MAN1C1: variants seen among roughly 807,000 people sequenced by gnomAD.
The protein encoded by MAN1C1 is mannosyl-oligosaccharide 1,2-alpha-mannosidase IC.
A neutral mutation model predicts 71.5 loss-of-function variants in MAN1C1; 49 were observed. That is an observed-to-expected ratio of 0.69 (90% CI 0.54 to 0.87). The LOEUF (loss-of-function observed/expected upper bound fraction) is 0.87, where lower values mean the gene tolerates loss of function less well. MAN1C1 is among the 40% of genes least tolerant of loss of function. MAN1C1 has a pLI of 0.00. For synonymous variants in MAN1C1, 352 were observed against 343.7 expected (o/e 1.02, Z -0.27); for missense variants, 743 against 835.0 (o/e 0.89, Z 1.36).
Position 25,731,336 on chromosome 1 carries a change from GTCATCA to G in MAN1C1, c.638-15301_638-15296del, listed in dbSNP as rs61554526. Among the ~76,000 whole-genome samples the G allele has an allele frequency of 2.0e-3, 294 of 150,642 alleles. 1 individual carries two copies. Among genetic ancestry groups the G allele is most frequent in the African/African-American group, 5.9e-3 (240 of 40,812 alleles). On this transcript the variant is annotated intron_variant, in intron 2 of 11. Transcript: ENST00000374332. ...AAAAATAACAATAATCATCATCATC[GTCATCA>G]TCATCATCATCATCATCATCATCAT...
Position 25,753,463 on chromosome 1 carries a change from C to T in MAN1C1, c.835-21C>T. 6.3e-7 allele frequency: 1 copy of T among 1,599,132 alleles called. No individual in the cohort carries two copies. Among genetic ancestry groups the T allele is most frequent in the Non-Finnish European group, 8.6e-7 (1 of 1,169,300 alleles). ...CTCACCCAGCCTGGAGTCAAAAGCC[C>T]TTTGATCCCCTCCTTTACAGGTGTT... On this transcript the variant is annotated intron_variant, in intron 4 of 11. Coordinates refer to ENST00000374332, the MANE Select transcript of MAN1C1 (RefSeq NM_020379.4). The surrounding 1 kb of genome is among the most constrained non-coding windows in gnomAD (Gnocchi z 4.9).
chr1:25,776,409 G>A lies in MAN1C1; in HGVS notation c.1258-1696G>A, dbSNP rs2124409923. Among the ~76,000 whole-genome samples, 1 of 152,192 alleles carries A rather than the reference G, an allele frequency of 6.6e-6. No individual in the cohort carries two copies. Among genetic ancestry groups the A allele is most frequent in the African/African-American group, 2.4e-5 (1 of 41,522 alleles). On this transcript the variant is annotated intron_variant, in intron 8 of 11. Transcript: ENST00000374332. The surrounding 1 kb of genome is among the most constrained non-coding windows in gnomAD (Gnocchi z 4.3). The stretch of plus-strand genomic sequence containing the variant: ...CTACTAAAAATACAAAAATTAGCCG[G>A]GGGTGGTGGCACACGCCTATAATTA...
At chr1:25,728,316 C>T (rs1456937217) in intron 2 of MAN1C1, among the ~76,000 whole-genome samples, 1 of 152,172 alleles carries the variant, frequency 6.6e-6, no homozygotes, top group African/African-American at 2.4e-5. Context: ...AAGCCAGTAA[C>T]CCCATGACAG....
intron 1 of MAN1C1, among the ~76,000 whole-genome samples, chr1:25,673,915 C>T (rs1253371294): frequency 6.6e-6 from 1 of 152,244 alleles, no homozygotes; most frequent in East Asian, 1.9e-4. Flanking sequence ...GACACTTGCA[C>T]ATGGGCAGGT....
intron 1 of MAN1C1, among the ~76,000 whole-genome samples, chr1:25,655,562 G>C (rs1294081721): frequency 6.6e-6 from 1 of 152,130 alleles, no homozygotes; most frequent in Admixed American, 6.5e-5. Flanking sequence ...TCTTTCCTCT[G>C]GCCCTTGGGG....
intron 1 of MAN1C1, among the ~76,000 whole-genome samples, chr1:25,681,419 AC>A (rs1356836052): frequency 3.3e-5 from 5 of 152,134 alleles, no homozygotes; most frequent in East Asian, 3.9e-4. Context: ...CAAGGTAGGC[AC>A]CCCCTTCCTA....
In MAN1C1 at chr1:25,782,825, T is replaced by G; in HGVS notation, c.1766+125T>G. On this transcript the variant is annotated intron_variant, in intron 11 of 11. Transcript: ENST00000374332. The surrounding 1 kb of genome is among the most constrained non-coding windows in gnomAD (Gnocchi z 4.4). ...CGGGAGCCCAAAAGGGGTGAAGGGC[T>G]TGGGATCCAGAGGGCTGCACCCCAG... The G allele has an allele frequency of 1.4e-6, 1 of 691,794 alleles. No homozygotes were observed. The highest frequency in any genetic ancestry group is 2.5e-6 in the Non-Finnish European group (1 of 401,392). 42.9% of individuals were successfully genotyped at this position (691,794 alleles called of 1,614,324 possible). A position where few individuals can be genotyped will look rare whatever the true frequency, so the allele number is the denominator to read the frequency against.
intron 4 of MAN1C1, among the ~76,000 whole-genome samples, chr1:25,752,484 A>T (rs1359856266): frequency 6.6e-6 from 1 of 152,216 alleles, no homozygotes; most frequent in Non-Finnish European, 1.5e-5. Context: ...TCATTTCAAT[A>T]GCTGCATGGT....
rs2047137828 is a variant in MAN1C1, at chr1:25,746,938, T to C, written c.753+155T>C. On this transcript the variant is annotated intron_variant, in intron 3 of 11. Transcript: ENST00000374332. The surrounding 1 kb of genome is among the most constrained non-coding windows in gnomAD (Gnocchi z 4.0). The stretch of plus-strand genomic sequence containing the variant: ...TCGGAACCGGAGCTGCCGTGCAGTC[T>C]GTGCTGAGTCCCTTCCTTAAGACAG... Among the ~76,000 whole-genome samples, 1 of 152,234 alleles carries C rather than the reference T, an allele frequency of 6.6e-6. No individual in the cohort carries two copies. The highest frequency in any genetic ancestry group is 1.5e-5 in the Non-Finnish European group (1 of 68,046).
At chr1:25,715,825 G>A (rs2046672326) in intron 2 of MAN1C1, among the ~76,000 whole-genome samples, 1 of 152,184 alleles carries the variant, frequency 6.6e-6, no homozygotes, top group South Asian at 2.1e-4. Flanking sequence ...GATTCTGTTG[G>A]AACTCAGGAA....
intron 2 of MAN1C1, among the ~76,000 whole-genome samples, chr1:25,739,447 G>A (rs1470503211): frequency 1.3e-5 from 2 of 152,200 alleles, no homozygotes; most frequent in Non-Finnish European, 2.9e-5. Flanking sequence ...TGGGGATATT[G>A]TGGGAATAGG....
intron 2 of MAN1C1, among the ~76,000 whole-genome samples, chr1:25,716,800 A>G (rs2046687582): frequency 6.6e-6 from 1 of 152,252 alleles, no homozygotes; most frequent in South Asian, 2.1e-4. Context: ...GAACATTTTT[A>G]TATCTAAAAG....
chr1:25,744,195 G>T (rs1450761422), intron 2 of MAN1C1, among the ~76,000 whole-genome samples: 1 of 152,156 alleles, frequency 6.6e-6, no homozygotes, highest in Non-Finnish European at 1.5e-5. Context: ...TGCTGGGCAC[G>T]ATCTGCTTTG....
intron 1 of MAN1C1, among the ~76,000 whole-genome samples, chr1:25,652,750 C>T (rs975385256): frequency 2.6e-5 from 4 of 152,200 alleles, no homozygotes; most frequent in African/African-American, 9.6e-5. Context: ...TGGGATCACC[C>T]TCGGGGTTGC....
intron 1 of MAN1C1, among the ~76,000 whole-genome samples, chr1:25,656,088 T>C (rs1244581980): frequency 7.0e-6 from 1 of 142,210 alleles, no homozygotes; most frequent in Non-Finnish European, 1.5e-5. Flanking sequence ...AGGTTGGGAT[T>C]ATCAGTCTTT....
chr1:25,717,575 CTT>C (rs1023005252), intron 2 of MAN1C1, among the ~76,000 whole-genome samples: 16 of 135,536 alleles, frequency 1.2e-4, no homozygotes, highest in Admixed American at 2.2e-4. Flanking sequence ...TACCATTTTC[CTT>C]TTTTTTTTTT....
intron 1 of MAN1C1, among the ~76,000 whole-genome samples, chr1:25,619,418 G>A (rs930592981): frequency 3.9e-5 from 6 of 152,234 alleles, no homozygotes; most frequent in South Asian, 2.1e-4. Flanking sequence ...AGAGCAGGCA[G>A]CAAGGATCAG....
intron 1 of MAN1C1, among the ~76,000 whole-genome samples, chr1:25,660,551 C>G (rs1246841760): frequency 1.3e-5 from 2 of 151,542 alleles, no homozygotes; most frequent in African/African-American, 4.8e-5. Context: ...TGCCACCATG[C>G]CTGGCTAATT....
chr1:25,741,092 A>G (rs1031473772), intron 2 of MAN1C1, among the ~76,000 whole-genome samples: 2 of 152,024 alleles, frequency 1.3e-5, no homozygotes, highest in Admixed American at 1.3e-4. Flanking sequence ...TGGCTTTCAG[A>G]CAGTGAAACA....
Sources: allele counts gnomAD v4.1 joint callset (sites outside exome capture counted in the v4.1 genomes callset), GRCh38; gene constraint gnomAD v4.1.1; non-coding constraint Gnocchi (gnomAD v3.1); transcripts MANE v1.5; gene names NCBI Gene and HGNC (gene_info 2026-07-23, HGNC 2026-07-21).